The following NPFFR2 variants were observed in gnomAD, a reference collection of about 807,000 sequenced individuals.
NPFFR2 encodes G-protein coupled receptor 74.
A neutral mutation model predicts 13.1 loss-of-function variants in NPFFR2; 15 were observed. That is an observed-to-expected ratio of 1.15 (90% CI 0.77 to 1.76). The LOEUF (loss-of-function observed/expected upper bound fraction) is 1.76. Among genes scored for constraint, NPFFR2 ranks in the 40% most tolerant of loss-of-function variants. The pLI, the probability that NPFFR2 is intolerant of heterozygous loss-of-function variation, is 0.00. For missense variants in NPFFR2, 572 were observed against 503.5 expected, an observed-to-expected ratio of 1.14 and a Z score of -1.30; for synonymous variants, 190 against 175.7, an observed-to-expected ratio of 1.08 and a Z score of -0.65.
Position 72,040,054 on chromosome 4 carries a change from A to G in NPFFR2, c.-8+7854A>G, listed in dbSNP as rs1296893574. ...TACTGAGATATTAGTCTTTTTCTCA[A>G]TTTATACATTCTTTGAATATTGTAA... is the stretch of plus-strand genomic sequence containing the variant. On this transcript the variant is annotated intron_variant, in intron 1 of 3. Coordinates refer to ENST00000308744, the MANE Select transcript of NPFFR2 (RefSeq NM_004885.3). Among the ~76,000 whole-genome samples, 4 of 152,228 alleles carry G rather than the reference A, an allele frequency of 2.6e-5. No homozygotes were observed. The East Asian group carries it at 7.7e-4, about 29-fold the overall frequency.
intron 2 of NPFFR2, among the ~76,000 whole-genome samples, chr4:72,129,483 T>C (rs1722171520): frequency 1.1e-5 from 1 of 92,598 alleles, no homozygotes; most frequent in Non-Finnish European, 2.2e-5. Context: ...GACAAACACG[T>C]GAACAAAGGT....
intron 1 of NPFFR2, among the ~76,000 whole-genome samples, chr4:72,122,224 C>A (rs1006899211): frequency 6.6e-6 from 1 of 152,120 alleles, no homozygotes; most frequent in African/African-American, 2.4e-5. Context: ...TTTATATGCA[C>A]CCATACAGGA....
chr4:72,111,061 C>T (rs1189410815), intron 1 of NPFFR2, among the ~76,000 whole-genome samples: 1 of 151,948 alleles, frequency 6.6e-6, no homozygotes, highest in African/African-American at 2.4e-5. Context: ...TCTCTAGTTG[C>T]TCCAGTCAAT....
chr4:72,073,460 T>C (rs1455135238), intron 1 of NPFFR2, among the ~76,000 whole-genome samples: 2 of 151,928 alleles, frequency 1.3e-5, no homozygotes, highest in African/African-American at 2.4e-5. Flanking sequence ...CACTAAATAA[T>C]AAGACATAAA....
At chr4:72,108,706 G>C (rs974251418) in intron 1 of NPFFR2, among the ~76,000 whole-genome samples, 9 of 151,776 alleles carry the variant, frequency 5.9e-5, no homozygotes, top group African/African-American at 2.2e-4. Context: ...CTACCTAATA[G>C]GGACTATGAA....
intron 2 of NPFFR2, among the ~76,000 whole-genome samples, chr4:72,130,243 T>G (rs941397564): frequency 2.0e-5 from 3 of 152,130 alleles, no homozygotes; most frequent in Non-Finnish European, 4.4e-5. Flanking sequence ...TCAGGGCACA[T>G]GTAAGATGAT....
chr4:72,119,012 T>A (rs1428522693), intron 1 of NPFFR2, among the ~76,000 whole-genome samples: 1 of 151,994 alleles, frequency 6.6e-6, no homozygotes, highest in African/African-American at 2.4e-5. Flanking sequence ...ATGAAGGAAG[T>A]ACTGAGATGA....
intron 1 of NPFFR2, among the ~76,000 whole-genome samples, chr4:72,096,804 G>T (rs1721087530): frequency 6.6e-6 from 1 of 151,922 alleles, no homozygotes; most frequent in African/African-American, 2.4e-5. Flanking sequence ...ACGTCACAAT[G>T]AAATCATCAA....
chr4:72,035,941 A>G (rs936210832), intron 1 of NPFFR2, among the ~76,000 whole-genome samples: 5 of 152,124 alleles, frequency 3.3e-5, no homozygotes, highest in African/African-American at 1.2e-4. Context: ...AGTCCTTCAA[A>G]CAAGTCTCAG....
chr4:72,122,757 C>G (rs921369447), intron 1 of NPFFR2, among the ~76,000 whole-genome samples: 3 of 152,054 alleles, frequency 2.0e-5, no homozygotes, highest in Non-Finnish European at 4.4e-5. Flanking sequence ...AATAGATCTT[C>G]CTGCTTTCTC....
At chr4:72,126,039 T>C (rs1722035533) in intron 1 of NPFFR2, among the ~76,000 whole-genome samples, 2 of 152,228 alleles carry the variant, frequency 1.3e-5, no homozygotes, top group African/African-American at 4.8e-5. Flanking sequence ...TTTTCTAATT[T>C]AGAAATTTTC....
At chr4:72,128,555 G>A (rs1369756655) in intron 1 of NPFFR2, 30 bp from the exon 2 acceptor site, 1 of 1,395,702 alleles carries the variant, frequency 7.2e-7, no homozygotes, top group African/African-American at 1.4e-5. Context: ...TCCTAATTAT[G>A]TTTTTCTTTT....
rs1262418863 is a variant in NPFFR2 at position 72,102,349 on chromosome 4, CTT to C, written c.-7-26235_-7-26234del. Among the ~76,000 whole-genome samples the C allele has an allele frequency of 3.3e-5, 5 of 152,032 alleles. No homozygotes were observed. In the East Asian group the frequency reaches 9.7e-4, roughly 29 times the overall value. The stretch of plus-strand genomic sequence containing the variant: ...ATCTTTCAATAAATTAATATGGCAA[CTT>C]AATATACAGGATGTATGAATGAGGA... On this transcript the variant is annotated intron_variant, in intron 1 of 3. Transcript: ENST00000308744.
At chr4:72,089,287 C>T (rs138291216) in intron 1 of NPFFR2, among the ~76,000 whole-genome samples, 1 of 152,136 alleles carries the variant, frequency 6.6e-6, no homozygotes, top group African/African-American at 2.4e-5. Flanking sequence ...CTGCTATAAA[C>T]GTCTGTGTGT....
intron 2 of NPFFR2, among the ~76,000 whole-genome samples, chr4:72,131,844 C>T (rs1722251979): frequency 6.6e-6 from 1 of 151,900 alleles, no homozygotes; most frequent in Admixed American, 6.6e-5. Flanking sequence ...AAAAACTAAT[C>T]TTGCAAAAAC....
At chr4:72,116,184 T>C (rs1350130867) in intron 1 of NPFFR2, among the ~76,000 whole-genome samples, 2 of 152,176 alleles carry the variant, frequency 1.3e-5, no homozygotes, top group Non-Finnish European at 2.9e-5. Context: ...TTTTTTTCTG[T>C]AACAAGCTGT....
chr4:72,069,982 T>C (rs1266335805), intron 1 of NPFFR2, among the ~76,000 whole-genome samples: 3 of 152,140 alleles, frequency 2.0e-5, no homozygotes, highest in Admixed American at 6.5e-5. Context: ...ATATTCTTTG[T>C]AACAAGCATA....
chr4:72,086,763 A>T (rs1720783871), intron 1 of NPFFR2, among the ~76,000 whole-genome samples: 1 of 152,072 alleles, frequency 6.6e-6, no homozygotes, highest in African/African-American at 2.4e-5. Flanking sequence ...AATATTTTGG[A>T]ACAGTTGATT....
chr4:72,097,370 A>G (rs757169086), intron 1 of NPFFR2, among the ~76,000 whole-genome samples: 3 of 152,018 alleles, frequency 2.0e-5, no homozygotes, highest in Non-Finnish European at 4.4e-5. Context: ...TTCTTTATTC[A>G]GGCTTTTATA....
Sources: allele counts gnomAD v4.1 joint callset (sites outside exome capture counted in the v4.1 genomes callset), GRCh38; gene constraint gnomAD v4.1.1; transcripts MANE v1.5; gene names NCBI Gene and HGNC (gene_info 2026-07-23, HGNC 2026-07-21).